Variants in SGCE observed in about 807,000 individuals in gnomAD.
The protein encoded by SGCE is epsilon-sarcoglycan.
A neutral mutation model predicts 57.8 loss-of-function variants in SGCE; 26 were observed. The observed-to-expected ratio is 0.45, with a 90% CI of 0.33 to 0.62. The LOEUF is 0.62. Ranked by LOEUF, SGCE falls within the 20% of genes least tolerant of loss-of-function variation. The probability of loss-of-function intolerance (pLI) is 0.02; values close to 1 mark genes in which losing one functional copy is unlikely to be tolerated. For missense variants in SGCE, 468 were observed against 548.6 expected (o/e 0.85, Z 1.47); for synonymous variants, 183 against 189.5 (o/e 0.97, Z 0.28).
At chr7:94,603,952 T>G (rs1206392168) in intron 5 of SGCE, among the ~76,000 whole-genome samples, 1 of 152,154 alleles carries the variant, frequency 6.6e-6, no homozygotes, top group Non-Finnish European at 1.5e-5. Flanking sequence ...CTATTTTACC[T>G]ATCAGTTCTG....
rs1808638351 is a variant in SGCE, at chr7:94,656,091, A to G, written c.8T>C (p.Leu3Ser). ...GTCTCCCAGCTCCCACCACCGGGGC[A>G]ATTGCATTCTTGGCCTGGCTAGGCC... MQ[L>S]PRWWELGDPC... Residue 3 changes from leucine to serine, a missense_variant, in exon 1 of 11, where the codon TTG (leucine) becomes TCG (serine). Leu to Ser is a moderately radical substitution (Grantham distance 145, BLOSUM62 -2). Transcript: ENST00000648936. 1.2e-6 allele frequency: 2 copies of G among 1,605,162 alleles called. No homozygotes were observed. Among genetic ancestry groups the G allele is most frequent in the Non-Finnish European group, 1.7e-6 (2 of 1,172,044 alleles).
chr7:94,632,830 G>C (rs1410485096), intron 1 of SGCE, among the ~76,000 whole-genome samples: 1 of 151,978 alleles, frequency 6.6e-6, no homozygotes, highest in Non-Finnish European at 1.5e-5. Context: ...AGAATTCGAA[G>C]CTATAGGTTC....
intron 5 of SGCE, chr7:94,618,503 G>A: frequency 2.3e-6 from 1 of 435,644 alleles, no homozygotes; most frequent in African/African-American, 2.0e-5. Context: ...AGGTACAAAA[G>A]ACTTAGTGCT....
At chr7:94,651,642 G>T (rs1807883576) in intron 1 of SGCE, among the ~76,000 whole-genome samples, 1 of 152,182 alleles carries the variant, frequency 6.6e-6, no homozygotes, top group South Asian at 2.1e-4. Flanking sequence ...AAATATTTAT[G>T]TACACAGAAC....
In SGCE at chr7:94,600,953, A is replaced by G; in HGVS notation, c.826-96T>C. Reference sequence around the variant, plus strand: ...ACACTAAAGCATTCTTTGACAAATTATCTAAAAAGCCATCTTTTCCAATTA... The same window carrying G: ...ACACTAAAGCATTCTTTGACAAATTGTCTAAAAAGCCATCTTTTCCAATTA... On this transcript the variant is annotated intron_variant, in intron 6 of 10. Transcript: ENST00000648936. The G allele has an allele frequency of 4.8e-6, 5 of 1,033,802 alleles. No homozygotes were observed. The South Asian group carries it at 5.5e-5, about 11-fold the overall frequency. 64.0% of individuals were successfully genotyped at this position (1,033,802 alleles called of 1,614,324 possible). A position where few individuals can be genotyped will look rare whatever the true frequency, so the allele number is the denominator to read the frequency against.
rs1804402701 is a variant in SGCE at position 94,629,858 on chromosome 7, A to G, written c.110-17T>C. Reference sequence around the variant, plus strand: ...TACTGTACACTGAAAACAAAGAGGAAAGATAAGTGACAGAAAGACAAATAA... The same window carrying G: ...TACTGTACACTGAAAACAAAGAGGAGAGATAAGTGACAGAAAGACAAATAA... On this transcript the variant is annotated splice_polypyrimidine_tract_variant and intron_variant, in intron 1 of 10. Transcript: ENST00000648936. 1 of 1,609,758 alleles carries G rather than the reference A, an allele frequency of 6.2e-7. No individual in the cohort carries two copies. The highest frequency in any genetic ancestry group is 1.3e-5 in the African/African-American group (1 of 74,754).
At chr7:94,634,071 G>T (rs1323280275) in intron 1 of SGCE, among the ~76,000 whole-genome samples, 3 of 152,074 alleles carry the variant, frequency 2.0e-5, no homozygotes, top group Non-Finnish European at 4.4e-5. Context: ...AAGTCATAAA[G>T]TATTGTCAAT....
At chr7:94,641,556 T>A (rs1033379179) in intron 1 of SGCE, among the ~76,000 whole-genome samples, 13 of 151,992 alleles carry the variant, frequency 8.6e-5, no homozygotes, top group African/African-American at 3.1e-4. Flanking sequence ...GGACCAAGCA[T>A]GTGGAAGTAA....
intron 5 of SGCE, among the ~76,000 whole-genome samples, chr7:94,611,639 T>C (rs1801058946): frequency 6.6e-6 from 1 of 152,232 alleles, no homozygotes; most frequent in Admixed American, 6.5e-5. Context: ...GATAGGTGCA[T>C]TGTATGATAT....
chr7:94,612,823 G>A (rs1355061207), intron 5 of SGCE, among the ~76,000 whole-genome samples: 7 of 151,910 alleles, frequency 4.6e-5, no homozygotes, highest in African/African-American at 1.2e-4. Flanking sequence ...CTTGGTGATT[G>A]ACATCCCCAA....
intron 10 of SGCE, among the ~76,000 whole-genome samples, chr7:94,585,742 G>A (rs1244744171): frequency 6.6e-6 from 1 of 151,958 alleles, no homozygotes; most frequent in African/African-American, 2.4e-5. Flanking sequence ...ATAATATTTT[G>A]TATTTCCCAA....
In SGCE at chr7:94,656,069, T is replaced by G. The variant is rs1324643190; in HGVS notation, c.30A>C (p.Gly10=). 3 of 1,611,866 alleles carry G rather than the reference T, an allele frequency of 1.9e-6. No homozygotes were observed. The highest frequency in any genetic ancestry group is 2.5e-6 in the Non-Finnish European group (3 of 1,178,206). Residue 10 remains glycine (G), a synonymous_variant, in exon 1 of 11, where the codon GGA becomes GGC. Coordinates refer to ENST00000648936, the MANE Select transcript of SGCE (RefSeq NM_003919.3). Reference sequence around the variant, plus strand: ...CCTGTCCCGTCCAAGCACAGGGGTCTCCCAGCTCCCACCACCGGGGCAATT... The same window carrying G: ...CCTGTCCCGTCCAAGCACAGGGGTCGCCCAGCTCCCACCACCGGGGCAATT... MQLPRWWEL[G]DPCAWTGQGR...
In SGCE at chr7:94,623,326, T is replaced by G. The variant is rs1803128180; in HGVS notation, c.462A>C (p.Glu154Asp). ...TGATCAACATATTTTCATACCTACC[T>G]TCTGCAGACATTATATTAATTATCA... ...HNLIINIMSA[E>D]DFPLPYQAEF... The change falls in exon 4 of 11, where the codon GAA (glutamate) becomes GAC (aspartate). Residue 154 changes from glutamate to aspartate, a missense_variant and splice_region_variant. Transcript: ENST00000648936. 6.4e-7 allele frequency: 1 copy of G among 1,571,298 alleles called. No individual in the cohort carries two copies. Among genetic ancestry groups the G allele is most frequent in the Non-Finnish European group, 8.7e-7 (1 of 1,143,876 alleles).
chr7:94,629,969 A>C, intron 1 of SGCE, 128 bp from the exon 2 acceptor site: 1 of 1,024,944 alleles, frequency 9.8e-7, no homozygotes, highest in Non-Finnish European at 1.5e-6. Flanking sequence ...CTGAAGCAAC[A>C]TGCAAGGAAA....
intron 5 of SGCE, among the ~76,000 whole-genome samples, chr7:94,610,455 T>C (rs1003441259): frequency 3.9e-5 from 6 of 152,156 alleles, no homozygotes; most frequent in African/African-American, 1.4e-4. Flanking sequence ...GCAAAAGCAA[T>C]CTCTGCACCT....
chr7:94,591,447 C>G (rs1408539898), intron 9 of SGCE, among the ~76,000 whole-genome samples: 1 of 152,142 alleles, frequency 6.6e-6, no homozygotes, highest in Non-Finnish European at 1.5e-5. Context: ...AGCCTGTCAG[C>G]AGATTGAATC....
At chr7:94,602,508 TCA>T (rs963511699) in intron 6 of SGCE, among the ~76,000 whole-genome samples, 1 of 151,316 alleles carries the variant, frequency 6.6e-6, no homozygotes, top group Non-Finnish European at 1.5e-5. Context: ...TCACCACCAA[TCA>T]TAAAGAATTG....
chr7:94,600,748 T>A lies in SGCE; in HGVS notation c.935A>T (p.Asp312Val). The change falls in exon 7 of 11, where the codon GAC (aspartate) becomes GTC (valine). Residue 312 changes from aspartate (D) to valine (V), a missense_variant. Transcript: ENST00000648936. The stretch of plus-strand genomic sequence containing the variant: ...TGTAATTAGGAAATCCGTGTAATAG[T>A]CTCTGCTTTTCAAAGAATCAGAAGG... ...KPPSDSLKSR[D>V]YYTDFLITLA... 1 of 1,613,748 alleles carries A rather than the reference T, an allele frequency of 6.2e-7. No individual in the cohort carries two copies. The highest frequency in any genetic ancestry group is 1.3e-5 in the African/African-American group (1 of 75,032).
intron 7 of SGCE, 115 bp downstream of exon 7, chr7:94,600,531 T>C: frequency 1.3e-6 from 1 of 747,702 alleles, no homozygotes; most frequent in South Asian, 1.6e-5. Context: ...GGACACAATT[T>C]CAATTCATTT....
Sources: gnomAD v4.1 joint callset for allele counts (sites outside exome capture counted in the v4.1 genomes callset) on GRCh38, gnomAD v4.1.1 for gene constraint, MANE v1.5 for transcripts, NCBI Gene and HGNC (gene_info 2026-07-23, HGNC 2026-07-21) for gene names.